The following CHSY3 variants were observed in gnomAD, a reference collection of about 807,000 sequenced individuals.
The protein encoded by CHSY3 is N-acetylgalactosaminyl-proteoglycan 3-beta-glucuronosyltransferase 3.
In CHSY3, 35 loss-of-function variants were observed where a neutral mutation model predicts 67.2. The observed-to-expected ratio is 0.52, with a 90% CI of 0.40 to 0.69. CHSY3 has a LOEUF of 0.69. Ranked by LOEUF, CHSY3 falls within the 30% of genes least tolerant of loss-of-function variation. The pLI, the probability that CHSY3 is intolerant of heterozygous loss-of-function variation, is 0.00. For synonymous variants in CHSY3, 474 were observed against 434.7 expected (o/e 1.09, Z -1.12); for missense variants, 1,069 against 1,138.5 (o/e 0.94, Z 0.88).
chr5:130,180,539 TG>T (rs1434134499), intron 2 of CHSY3, among the ~76,000 whole-genome samples: 4 of 152,194 alleles, frequency 2.6e-5, no homozygotes, highest in Admixed American at 6.5e-5. Flanking sequence ...TTTTGTTTTT[TG>T]TTTTTTTAAT....
intron 2 of CHSY3, among the ~76,000 whole-genome samples, chr5:130,081,165 A>T (rs1561527654): frequency 6.6e-6 from 1 of 152,156 alleles, no homozygotes; most frequent in Non-Finnish European, 1.5e-5. Flanking sequence ...CTGTGATATG[A>T]GTTCAGTTAA....
intron 2 of CHSY3, among the ~76,000 whole-genome samples, chr5:129,980,924 C>T (rs1762962000): frequency 6.6e-6 from 1 of 151,770 alleles, no homozygotes; most frequent in Non-Finnish European, 1.5e-5. Flanking sequence ...AGTCAAAGAT[C>T]GGCCGGGCGC....
chr5:130,145,943 CAAAAG>C (rs1373468782), intron 2 of CHSY3, among the ~76,000 whole-genome samples: 5 of 151,782 alleles, frequency 3.3e-5, no homozygotes, highest in African/African-American at 7.3e-5. Context: ...ATTAAAAAGA[CAAAAG>C]AAAAGTGTTG....
chr5:129,966,816 C>T (rs751078314), intron 2 of CHSY3, among the ~76,000 whole-genome samples: 2 of 151,760 alleles, frequency 1.3e-5, no homozygotes, highest in Non-Finnish European at 2.9e-5. Flanking sequence ...TGAAAAAAGT[C>T]ACTAAGAAGT....
intron 2 of CHSY3, among the ~76,000 whole-genome samples, chr5:129,928,061 G>T (rs183556412): frequency 1.2e-3 from 190 of 152,008 alleles, no homozygotes; most frequent in Admixed American, 2.2e-3. Flanking sequence ...TTTAAGTTCG[G>T]GAGTACATGT....
upstream of CHSY3, among the ~76,000 whole-genome samples, chr5:129,904,154 C>T (rs1760130428): frequency 6.7e-6 from 1 of 148,254 alleles, no homozygotes; most frequent in African/African-American, 2.5e-5. Context: ...CGGGACGGGA[C>T]GGGAAATGGG....
chr5:130,057,001 G>T (rs1431858848), intron 2 of CHSY3, among the ~76,000 whole-genome samples: 2 of 133,240 alleles, frequency 1.5e-5, no homozygotes, highest in Non-Finnish European at 3.1e-5. Context: ...TCGGCTCACT[G>T]CAAGCTCCTC....
At chr5:129,994,207 G>A (rs1160742178) in intron 2 of CHSY3, among the ~76,000 whole-genome samples, 3 of 152,136 alleles carry the variant, frequency 2.0e-5, no homozygotes, top group South Asian at 2.1e-4. Flanking sequence ...TGCTCTTCTC[G>A]AGGAGTGTCT....
intron 2 of CHSY3, among the ~76,000 whole-genome samples, chr5:130,182,436 C>A (rs1301478986): frequency 6.6e-6 from 1 of 151,530 alleles, no homozygotes; most frequent in East Asian, 1.9e-4. Flanking sequence ...TTCTCCTGCT[C>A]TGTAATTGCC....
intron 2 of CHSY3, among the ~76,000 whole-genome samples, chr5:130,158,076 T>C (rs538053381): frequency 9.2e-5 from 14 of 152,264 alleles, no homozygotes; most frequent in Non-Finnish European, 1.8e-4. Context: ...TTGGTTTTGA[T>C]GGGTTTCGTC....
intron 2 of CHSY3, among the ~76,000 whole-genome samples, chr5:130,112,226 A>G (rs899669367): frequency 6.6e-6 from 1 of 152,152 alleles, no homozygotes; most frequent in African/African-American, 2.4e-5. Context: ...TAGATCATGG[A>G]TATCAATAGC....
At chr5:130,075,534 G>A (rs1049834907) in intron 2 of CHSY3, among the ~76,000 whole-genome samples, 1 of 151,944 alleles carries the variant, frequency 6.6e-6, no homozygotes, top group Non-Finnish European at 1.5e-5. Context: ...TTTTCAAGTG[G>A]CTGTTACACA....
chr5:130,089,819 T>C (rs529761082), intron 2 of CHSY3, among the ~76,000 whole-genome samples: 37 of 152,244 alleles, frequency 2.4e-4, no homozygotes, highest in South Asian at 1.2e-3. Flanking sequence ...GCTCTGTAAA[T>C]TGGCATCCCT....
intron 2 of CHSY3, among the ~76,000 whole-genome samples, chr5:130,183,688 A>C (rs1172234012): frequency 6.6e-6 from 1 of 152,108 alleles, no homozygotes; most frequent in African/African-American, 2.4e-5. Context: ...TCATATATAG[A>C]AATCAAAAAG....
intron 2 of CHSY3, among the ~76,000 whole-genome samples, chr5:129,974,353 G>A (rs57257806): frequency 6.7e-4 from 102 of 152,098 alleles, no homozygotes; most frequent in African/African-American, 2.3e-3. Context: ...GTGATACTGC[G>A]ACCTTTAATA....
chr5:129,967,197 T>G (rs1160592189), intron 2 of CHSY3, among the ~76,000 whole-genome samples: 1 of 151,758 alleles, frequency 6.6e-6, no homozygotes, highest in Non-Finnish European at 1.5e-5. Context: ...CACATTTATA[T>G]AGGGTGAGAA....
At chr5:130,013,748 G>T (rs1300178865) in intron 2 of CHSY3, among the ~76,000 whole-genome samples, 1 of 152,182 alleles carries the variant, frequency 6.6e-6, no homozygotes, top group Non-Finnish European at 1.5e-5. Context: ...CAATGGGAGG[G>T]TTGCGATTAA....
chr5:130,158,010 T>A (rs1204061983), intron 2 of CHSY3, among the ~76,000 whole-genome samples: 1 of 152,238 alleles, frequency 6.6e-6, no homozygotes, highest in Non-Finnish European at 1.5e-5. Context: ...TGCTATTGCA[T>A]TATAATTGCA....
At chr5:130,038,441 G>C (rs1347786425) in intron 2 of CHSY3, among the ~76,000 whole-genome samples, 1 of 152,180 alleles carries the variant, frequency 6.6e-6, no homozygotes, top group African/African-American at 2.4e-5. Context: ...TTAAATAGAG[G>C]CTTGATAAAC....
Sources: allele counts gnomAD v4.1 joint callset (sites outside exome capture counted in the v4.1 genomes callset), GRCh38; gene constraint gnomAD v4.1.1; transcripts MANE v1.5; gene names NCBI Gene and HGNC (gene_info 2026-07-23, HGNC 2026-07-21).